Variants in NT5DC3 observed in about 807,000 individuals in gnomAD.
NT5DC3 encodes 5'-nucleotidase domain containing 3.
A neutral mutation model predicts 67.8 loss-of-function variants in NT5DC3; 42 were observed. The ratio of observed to expected loss-of-function variants is 0.62; its 90% confidence interval spans 0.48 to 0.80. The LOEUF (loss-of-function observed/expected upper bound fraction) is 0.80, where lower values mean the gene tolerates loss of function less well. Ranked by LOEUF, NT5DC3 falls within the 30% of genes least tolerant of loss-of-function variation. NT5DC3 has a pLI of 0.00. For missense variants in NT5DC3, 570 were observed against 696.4 expected (o/e 0.82, Z 2.04); for synonymous variants, 237 against 255.6 (o/e 0.93, Z 0.69).
chr12:103,765,425 C>G, the NT5DC3 span, among the ~76,000 whole-genome samples: 1 of 152,350 alleles, frequency 6.6e-6, no homozygotes, highest in South Asian at 2.1e-4. Flanking sequence ...GCCTTTGACA[C>G]TATTTTTAGT....
rs745468758 is a variant in NT5DC3 at position 103,780,349 on chromosome 12, C to G, written c.1345G>C (p.Glu449Gln). Residue 449 changes from glutamate to glutamine, a missense_variant, in exon 13 of 14, where the codon GAG (glutamate) becomes CAG (glutamine). Glu to Gln is a conservative substitution (Grantham distance 29). Transcript: ENST00000392876. ...LEQMQVHRDA[E>Q]SQLVLQEWKK... ...CACTCCTGCAAAACCAGCTGTGACTCAGCATCTCTGTGAACCTGTAGGACA... is the reference window on the plus strand; with the variant it reads ...CACTCCTGCAAAACCAGCTGTGACTGAGCATCTCTGTGAACCTGTAGGACA... 3.1e-6 allele frequency: 5 copies of G among 1,614,122 alleles called. No homozygotes were observed. The highest frequency in any genetic ancestry group is 4.2e-6 in the Non-Finnish European group (5 of 1,179,956).
chr12:103,832,895 G>C (rs1383365205), intron 1 of NT5DC3, among the ~76,000 whole-genome samples: 4 of 152,112 alleles, frequency 2.6e-5, no homozygotes, highest in Non-Finnish European at 4.4e-5. Context: ...AAAATCATTT[G>C]TGTGTGCTCA....
chr12:103,838,183 T>C (rs1448113031), intron 1 of NT5DC3, among the ~76,000 whole-genome samples: 2 of 152,120 alleles, frequency 1.3e-5, no homozygotes, highest in African/African-American at 2.4e-5. Context: ...AGAAAGACTA[T>C]CCCCCATAAT....
chr12:103,839,988 C>T (rs7968124), intron 1 of NT5DC3, among the ~76,000 whole-genome samples: 8,887 of 152,176 alleles, frequency 0.058, 420 homozygotes, highest in African/African-American at 0.14. Flanking sequence ...GGTTCTGAAT[C>T]CTCCTTGGAA....
At chr12:103,800,617 C>T (rs538420076) in intron 4 of NT5DC3, among the ~76,000 whole-genome samples, 24 of 152,316 alleles carry the variant, frequency 1.6e-4, no homozygotes, top group African/African-American at 5.5e-4. Context: ...CAGCTGAATT[C>T]CCCAAGAAGC....
At chr12:103,763,479 T>C in the NT5DC3 span, 2 of 1,613,064 alleles carry the variant, frequency 1.2e-6, no homozygotes, top group Non-Finnish European at 1.7e-6. Flanking sequence ...TTCATGCTTG[T>C]CTTTCCAAAC....
intron 4 of NT5DC3, among the ~76,000 whole-genome samples, chr12:103,805,845 CAAAAAAAA>C (rs34163004): frequency 4.1e-5 from 2 of 48,768 alleles, no homozygotes; most frequent in African/African-American, 1.8e-4. Flanking sequence ...GACTCCACCT[CAAAAAAAA>C]AAAAAAAAAA....
At chr12:103,796,832 G>A in intron 6 of NT5DC3, 62 bp downstream of exon 6, 1 of 1,582,048 alleles carries the variant, frequency 6.3e-7, no homozygotes. Context: ...TCAAGACTCT[G>A]TGACTCCCAC....
At chr12:103,795,620 T>A (rs554439541) in intron 6 of NT5DC3, among the ~76,000 whole-genome samples, 7 of 152,224 alleles carry the variant, frequency 4.6e-5, no homozygotes, top group African/African-American at 1.7e-4. Context: ...TACTTATAAA[T>A]ATATAACAAA....
chr12:103,766,495 G>A (rs1010675685), downstream of NT5DC3: 4 of 813,846 alleles, frequency 4.9e-6, no homozygotes, highest in South Asian at 1.8e-5. Context: ...CTGTGGGTGA[G>A]AGATGTGTTG....
chr12:103,746,518 A>T, the NT5DC3 span: 9 of 1,323,862 alleles, frequency 6.8e-6, no homozygotes, highest in East Asian at 1.2e-4. Flanking sequence ...GTCCAGAGAG[A>T]GTCTTGGAAA....
At chr12:103,837,352 T>G (rs1392102159) in intron 1 of NT5DC3, among the ~76,000 whole-genome samples, 1 of 152,220 alleles carries the variant, frequency 6.6e-6, no homozygotes, top group Non-Finnish European at 1.5e-5. Context: ...CCTAGAGACA[T>G]TTTCCCCATG....
chr12:103,780,216 A>C, intron 13 of NT5DC3, 84 bp downstream of exon 13: 1 of 1,141,380 alleles, frequency 8.8e-7, no homozygotes, highest in South Asian at 1.2e-5. Context: ...ATTATGCCTC[A>C]GGCTGGCCCT....
chr12:103,769,238 G>C (rs997958066), downstream of NT5DC3, among the ~76,000 whole-genome samples: 3 of 152,116 alleles, frequency 2.0e-5, no homozygotes, highest in Non-Finnish European at 4.4e-5. Flanking sequence ...CCAACTTCTC[G>C]CAATAACTGT....
chr12:103,841,170 T>TGCCGCCACC lies in NT5DC3; in HGVS notation c.-23_-15dup, dbSNP rs1888408344. ...TGCCATGGTCATGCCTGCTGCCTGC[T>TGCCGCCACC]GCCGCCACCGCCGCCGCGCCGCTCT... On this transcript the variant is annotated 5_prime_UTR_variant, in exon 1 of 14. Transcript: ENST00000392876. The TGCCGCCACC allele has an allele frequency of 1.5e-6, 1 of 677,472 alleles. No homozygotes were observed. Among genetic ancestry groups the TGCCGCCACC allele is most frequent in the Non-Finnish European group, 2.3e-6 (1 of 426,480 alleles). The allele number at this position is 677,472 out of a possible 1,614,324, so 42.0% of individuals were successfully genotyped here.
chr12:103,814,771 A>G (rs941308041), intron 2 of NT5DC3, among the ~76,000 whole-genome samples, 166 bp downstream of exon 2: 3 of 152,218 alleles, frequency 2.0e-5, no homozygotes, highest in African/African-American at 4.8e-5. Context: ...TAAAAAAACT[A>G]TCATCTTCCA....
intron 2 of NT5DC3, among the ~76,000 whole-genome samples, chr12:103,808,542 T>C (rs1250201847): frequency 1.3e-5 from 2 of 152,230 alleles, no homozygotes; most frequent in Non-Finnish European, 2.9e-5. Context: ...TGTGGCAATT[T>C]TTCAAGTCAA....
intron 6 of NT5DC3, among the ~76,000 whole-genome samples, chr12:103,794,866 G>T (rs1886244423): frequency 6.6e-6 from 1 of 152,252 alleles, no homozygotes; most frequent in Non-Finnish European, 1.5e-5. Context: ...TGTGGGTTCA[G>T]GAGTATGGCA....
At chr12:103,793,653 G>A (rs1288794692) in intron 7 of NT5DC3, 141 bp from the exon 8 acceptor site, 19 of 650,240 alleles carry the variant, frequency 2.9e-5, no homozygotes, top group Admixed American at 1.6e-4. Flanking sequence ...AGCTTTGTCC[G>A]GTGGAACACG....
Sources: allele counts gnomAD v4.1 joint callset (sites outside exome capture counted in the v4.1 genomes callset), GRCh38; gene constraint gnomAD v4.1.1; transcripts MANE v1.5; gene names NCBI Gene and HGNC (gene_info 2026-07-23, HGNC 2026-07-21).